The following CAMKMT variants were observed in gnomAD, a reference collection of about 807,000 sequenced individuals.
The protein encoded by CAMKMT is CaM KMT.
Under a neutral mutation model 48.0 loss-of-function variants are expected in CAMKMT, and 53 were observed. The observed-to-expected ratio is 1.10, with a 90% CI of 0.89 to 1.39. CAMKMT has a LOEUF of 1.39. Among genes scored for constraint, CAMKMT ranks in the 40% most tolerant of loss-of-function variants. The probability of loss-of-function intolerance (pLI) is 0.00; values close to 1 mark genes in which losing one functional copy is unlikely to be tolerated. For synonymous variants in CAMKMT, 165 were observed against 152.3 expected (o/e 1.08, Z -0.61); for missense variants, 428 against 402.7 (o/e 1.06, Z -0.54).
At chr2:44,491,814 G>C (rs971162570) in intron 3 of CAMKMT, among the ~76,000 whole-genome samples, 2 of 152,084 alleles carry the variant, frequency 1.3e-5, no homozygotes, top group East Asian at 1.9e-4. Context: ...TTGCCTTAAA[G>C]GTATGTTGAG....
At chr2:44,723,314 C>T (rs1002982577) in intron 7 of CAMKMT, among the ~76,000 whole-genome samples, 4 of 152,050 alleles carry the variant, frequency 2.6e-5, no homozygotes, top group Non-Finnish European at 2.9e-5. Context: ...ATTTTCTTGC[C>T]GGGAGTTGTA....
chr2:44,423,590 G>T (rs1177576991), intron 3 of CAMKMT, among the ~76,000 whole-genome samples: 3 of 152,158 alleles, frequency 2.0e-5, no homozygotes, highest in African/African-American at 7.2e-5. Flanking sequence ...TGTGAGCCTA[G>T]TTATCACAAT....
intron 3 of CAMKMT, among the ~76,000 whole-genome samples, chr2:44,425,967 G>A (rs1351166522): frequency 6.6e-6 from 1 of 152,102 alleles, no homozygotes; most frequent in Non-Finnish European, 1.5e-5. Context: ...CTGACCTCAG[G>A]TGATCCACCC....
intron 3 of CAMKMT, among the ~76,000 whole-genome samples, chr2:44,520,291 C>T (rs1671037652): frequency 6.6e-6 from 1 of 151,952 alleles, no homozygotes; most frequent in Non-Finnish European, 1.5e-5. Context: ...CTATGTTGCC[C>T]AGTTCTAGAC....
chr2:44,679,204 T>C (rs570862393), intron 3 of CAMKMT, among the ~76,000 whole-genome samples: 87 of 152,304 alleles, frequency 5.7e-4, no homozygotes, highest in African/African-American at 2.0e-3. Context: ...TTGAGGAATA[T>C]TGTGACCATT....
At chr2:44,500,382 T>G (rs944990544) in intron 3 of CAMKMT, among the ~76,000 whole-genome samples, 5 of 152,218 alleles carry the variant, frequency 3.3e-5, no homozygotes, top group African/African-American at 9.6e-5. Context: ...TCAAAAACAT[T>G]GTTCTTTGAA....
At chr2:44,738,771 A>G (rs1679503534) in intron 7 of CAMKMT, among the ~76,000 whole-genome samples, 1 of 152,194 alleles carries the variant, frequency 6.6e-6, no homozygotes, top group African/African-American at 2.4e-5. Context: ...AAAGAGCAAG[A>G]TAAGGGGGTT....
chr2:44,535,150 A>C (rs888459173), intron 3 of CAMKMT, among the ~76,000 whole-genome samples: 2 of 152,192 alleles, frequency 1.3e-5, no homozygotes, highest in Admixed American at 1.3e-4. Context: ...AACCTTAAGG[A>C]AATGCATAAA....
At chr2:44,415,112 C>G (rs935039902) in intron 3 of CAMKMT, among the ~76,000 whole-genome samples, 8 of 152,140 alleles carry the variant, frequency 5.3e-5, no homozygotes, top group African/African-American at 1.9e-4. Context: ...GATGGCGCCA[C>G]TGCACTCCAG....
intron 3 of CAMKMT, among the ~76,000 whole-genome samples, chr2:44,521,146 G>A (rs930225068): frequency 6.6e-6 from 1 of 152,178 alleles, no homozygotes; most frequent in Non-Finnish European, 1.5e-5. Flanking sequence ...CATAATGTAG[G>A]TGAATATGGC....
intron 3 of CAMKMT, among the ~76,000 whole-genome samples, chr2:44,464,864 T>C (rs1007368324): frequency 2.6e-5 from 4 of 152,092 alleles, no homozygotes; most frequent in Admixed American, 1.3e-4. Flanking sequence ...AAAAGGATGC[T>C]AGACAGCAAC....
intron 3 of CAMKMT, among the ~76,000 whole-genome samples, chr2:44,449,926 T>C (rs1019779530): frequency 2.6e-5 from 4 of 152,188 alleles, no homozygotes; most frequent in Admixed American, 6.6e-5. Context: ...ATAACATTTG[T>C]GTTTATCAAA....
intron 3 of CAMKMT, among the ~76,000 whole-genome samples, chr2:44,418,478 T>C (rs1322474332): frequency 6.6e-6 from 1 of 152,188 alleles, no homozygotes; most frequent in African/African-American, 2.4e-5. Context: ...TTGGTTGTTT[T>C]GGTATCATTG....
At chr2:44,613,928 T>C (rs375676094) in intron 3 of CAMKMT, among the ~76,000 whole-genome samples, 3 of 152,270 alleles carry the variant, frequency 2.0e-5, no homozygotes, top group African/African-American at 7.2e-5. Flanking sequence ...AAACCTGTTA[T>C]TCCATAACAG....
chr2:44,443,089 C>A (rs1357102805), intron 3 of CAMKMT, among the ~76,000 whole-genome samples: 1 of 152,170 alleles, frequency 6.6e-6, no homozygotes, highest in Non-Finnish European at 1.5e-5. Context: ...GTTCTTTGAA[C>A]TCCTTAGAGG....
chr2:44,588,166 C>T (rs1174077853), intron 3 of CAMKMT, among the ~76,000 whole-genome samples: 3,265 of 122,072 alleles, frequency 0.027, no homozygotes, highest in East Asian at 0.21. Context: ...TCTGCCCGGC[C>T]GCCCCGTCTG....
chr2:44,718,978 G>A (rs1402703868), intron 7 of CAMKMT, among the ~76,000 whole-genome samples: 1 of 152,158 alleles, frequency 6.6e-6, no homozygotes, highest in African/African-American at 2.4e-5. Context: ...CTGAGACTCA[G>A]TTTCCTTTAG....
intron 1 of CAMKMT, among the ~76,000 whole-genome samples, chr2:44,362,433 T>C (rs966493949): frequency 1.3e-5 from 2 of 152,096 alleles, no homozygotes; most frequent in African/African-American, 4.8e-5. Flanking sequence ...GGGGGACTTT[T>C]CCCCTTCTCG....
intron 8 of CAMKMT, among the ~76,000 whole-genome samples, chr2:44,744,674 G>T (rs1023267190): frequency 6.6e-6 from 1 of 152,088 alleles, no homozygotes; most frequent in African/African-American, 2.4e-5. Context: ...ACTTTCCCTA[G>T]AGGAGAATTG....
Sources: allele counts gnomAD v4.1 joint callset (sites outside exome capture counted in the v4.1 genomes callset), GRCh38; gene constraint gnomAD v4.1.1; transcripts MANE v1.5; gene names NCBI Gene and HGNC (gene_info 2026-07-23, HGNC 2026-07-21).